Variants in SEPTIN9 observed in about 807,000 individuals in gnomAD.
The protein encoded by SEPTIN9 is septin-9.
In SEPTIN9, 13 loss-of-function variants were observed where a neutral mutation model predicts 56.6. The observed-to-expected ratio is 0.23, with a 90% confidence interval of 0.15 to 0.37. SEPTIN9 has a LOEUF of 0.37. Ranked by LOEUF, SEPTIN9 falls within the 10% of genes least tolerant of loss-of-function variation. The pLI is 1.00. For synonymous variants in SEPTIN9, 332 were observed against 334.1 expected, an observed-to-expected ratio of 0.99 and a Z score of 0.07; for missense variants, 650 against 823.1, an observed-to-expected ratio of 0.79 and a Z score of 2.57.
intron 4 of SEPTIN9, chr17:77,482,641 C>T (rs539737007): frequency 6.9e-4 from 431 of 623,726 alleles, no homozygotes; most frequent in Non-Finnish European, 1.1e-3. Context: ...ATGACGTCAG[C>T]TTGTGCAGAG....
Position 77,450,368 on chromosome 17 carries a change from C to T in SEPTIN9, c.722-31776C>T, listed in dbSNP as rs1487053614. ...AGGTCCCGTGGGGGCTGCCTGAGGGCGTAGCTTCCAGAATTCAGCCCCTGG... is the reference window on the plus strand; with the variant it reads ...AGGTCCCGTGGGGGCTGCCTGAGGGTGTAGCTTCCAGAATTCAGCCCCTGG... On this transcript the variant is annotated intron_variant, in intron 3 of 11. Transcript: ENST00000427177. This position sits in a 1 kb window ranked among gnomAD's most constrained non-coding sequence, Gnocchi z 6.0. Among the ~76,000 whole-genome samples, 1 of 152,136 alleles carries T rather than the reference C, an allele frequency of 6.6e-6. No homozygotes were observed. Among genetic ancestry groups the T allele is most frequent in the African/African-American group, 2.4e-5 (1 of 41,414 alleles).
Position 77,402,811 on chromosome 17 carries a change from T to C in SEPTIN9, c.721+108T>C, listed in dbSNP as rs961531152. On this transcript the variant is annotated intron_variant, in intron 3 of 11. Transcript: ENST00000427177. This position sits in a 1 kb window ranked among gnomAD's most constrained non-coding sequence, Gnocchi z 6.6. ...AAGCTGGATATGGGGTGGAGGGTGCTACCCTGGAGACCCAGAAAGACCGGA... is the reference window on the plus strand; with the variant it reads ...AAGCTGGATATGGGGTGGAGGGTGCCACCCTGGAGACCCAGAAAGACCGGA... 15 of 1,161,372 alleles carry C rather than the reference T, an allele frequency of 1.3e-5. No homozygotes were observed. Among genetic ancestry groups the C allele is most frequent in the Non-Finnish European group, 1.7e-5 (14 of 839,876 alleles). The allele number at this position is 1,161,372 out of a possible 1,614,324, so 71.9% of individuals were successfully genotyped here.
chr17:77,328,337 G>A (rs951865096), intron 2 of SEPTIN9, among the ~76,000 whole-genome samples: 2 of 152,232 alleles, frequency 1.3e-5, no homozygotes, highest in African/African-American at 4.8e-5. Flanking sequence ...GTTAGACACA[G>A]GCAGGCTGCT....
In SEPTIN9 at chr17:77,319,576, C is replaced by T; in HGVS notation, c.76+12379C>T. ...GTGACTTCTCAGGGTTCCTCCTGGG[C>T]AGGTGCTCCGGAACCTTTTCTCAGC... On this transcript the variant is annotated intron_variant, in intron 2 of 11. Transcript: ENST00000427177. The surrounding 1 kb of genome is among the most constrained non-coding windows in gnomAD (Gnocchi z 5.3). 9.4e-7 allele frequency: 1 copy of T among 1,058,612 alleles called. No individual in the cohort carries two copies. Among genetic ancestry groups the T allele is most frequent in the African/African-American group, 1.6e-5 (1 of 60,722 alleles). 65.6% of individuals were successfully genotyped at this position (1,058,612 alleles called of 1,614,324 possible).
At chr17:77,490,910 C>A in intron 8 of SEPTIN9, 51 bp downstream of exon 8, 1 of 1,415,296 alleles carries the variant, frequency 7.1e-7, no homozygotes, top group Non-Finnish European at 9.8e-7. Flanking sequence ...CCTGGAGACG[C>A]TGCAGGCCTG....
intron 4 of SEPTIN9, among the ~76,000 whole-genome samples, chr17:77,486,949 A>G (rs1380393527): frequency 6.6e-6 from 1 of 152,198 alleles, no homozygotes; most frequent in African/African-American, 2.4e-5. Context: ...TGACTTGCCC[A>G]GGCCCTGGCC....
At chr17:77,343,432 C>A (rs939142541) in intron 2 of SEPTIN9, among the ~76,000 whole-genome samples, 1 of 152,226 alleles carries the variant, frequency 6.6e-6, no homozygotes, top group African/African-American at 2.4e-5. Context: ...TCCTTCATAC[C>A]TTTCTTATGC....
chr17:77,341,762 G>T (rs1450217485), intron 2 of SEPTIN9, among the ~76,000 whole-genome samples: 3 of 124,540 alleles, frequency 2.4e-5, no homozygotes, highest in African/African-American at 9.2e-5. Context: ...TCCAGCCTGG[G>T]CAACAGAGCG....
intron 8 of SEPTIN9, among the ~76,000 whole-genome samples, chr17:77,491,223 CTT>C (rs67717908): frequency 0.52 from 78,170 of 149,404 alleles, 20,758 homozygotes; most frequent in Middle Eastern, 0.66. Flanking sequence ...TATGCCCCCC[CTT>C]TTTTTTTTTG....
chr17:77,336,187 A>G (rs956459923), intron 2 of SEPTIN9, among the ~76,000 whole-genome samples: 1 of 152,310 alleles, frequency 6.6e-6, no homozygotes, highest in Non-Finnish European at 1.5e-5. Context: ...AGTCTCTCAA[A>G]TATCTAAAAT....
chr17:77,321,884 GA>G (rs1463906604), intron 2 of SEPTIN9, among the ~76,000 whole-genome samples: 1 of 152,224 alleles, frequency 6.6e-6, no homozygotes, highest in African/African-American at 2.4e-5. Flanking sequence ...GGTGGGTGTG[GA>G]GCCCAGCGTC....
intron 2 of SEPTIN9, among the ~76,000 whole-genome samples, chr17:77,339,703 T>A (rs2033665087): frequency 6.6e-6 from 1 of 151,950 alleles, no homozygotes; most frequent in African/African-American, 2.4e-5. Flanking sequence ...AGAAACAGGG[T>A]TTCACCATGT....
At chr17:77,304,135 G>A (rs2032170339) in intron 1 of SEPTIN9, among the ~76,000 whole-genome samples, 1 of 152,204 alleles carries the variant, frequency 6.6e-6, no homozygotes. Context: ...GAATAATTAG[G>A]TCCAAGGAGC....
In SEPTIN9 at chr17:77,405,434, G is replaced by A. The variant is rs1373599313; in HGVS notation, c.721+2731G>A. ...TGCCAGGAACCTGGCGCTCTGGGGG[G>A]ACGGTGGCTTTCTCCATGGAATAGG... On this transcript the variant is annotated intron_variant, in intron 3 of 11. Transcript: ENST00000427177. This position sits in a 1 kb window ranked among gnomAD's most constrained non-coding sequence, Gnocchi z 5.8. Among the ~76,000 whole-genome samples the A allele has an allele frequency of 6.6e-6, 1 of 152,200 alleles. No individual in the cohort carries two copies.
intron 3 of SEPTIN9, among the ~76,000 whole-genome samples, chr17:77,413,940 C>CTT (rs202194441): frequency 8.0e-5 from 10 of 125,766 alleles, no homozygotes; most frequent in East Asian, 2.6e-4. Flanking sequence ...TCAGTATTTT[C>CTT]TTTTTTTTTT....
At chr17:77,320,449 C>A in intron 2 of SEPTIN9, 1 of 1,003,028 alleles carries the variant, frequency 1.0e-6, no homozygotes, top group Non-Finnish European at 1.6e-6. Context: ...CGCTTTTGCT[C>A]ATTTTTCACA....
At chr17:77,285,922 T>C (rs2031255667) in intron 1 of SEPTIN9, among the ~76,000 whole-genome samples, 1 of 152,316 alleles carries the variant, frequency 6.6e-6, no homozygotes, top group African/African-American at 2.4e-5. Context: ...GGCAAGGAAT[T>C]GCACCCTCAG....
chr17:77,340,960 A>G (rs2033706478), intron 2 of SEPTIN9, among the ~76,000 whole-genome samples: 1 of 152,242 alleles, frequency 6.6e-6, no homozygotes, highest in Admixed American at 6.5e-5. Flanking sequence ...GAAGAGAGTT[A>G]GGGCTTTGCC....
chr17:77,312,546 C>A (rs926780605), intron 2 of SEPTIN9, among the ~76,000 whole-genome samples: 1 of 152,134 alleles, frequency 6.6e-6, no homozygotes, highest in Admixed American at 6.5e-5. Context: ...ATCAGCTTGG[C>A]CTTGGTTATT....
Sources: allele counts gnomAD v4.1 joint callset (sites outside exome capture counted in the v4.1 genomes callset), GRCh38; gene constraint gnomAD v4.1.1; non-coding constraint Gnocchi (gnomAD v3.1); transcripts MANE v1.5; gene names NCBI Gene and HGNC (gene_info 2026-07-23, HGNC 2026-07-21).